Variants in FER1L5 observed in about 807,000 individuals in gnomAD.
FER1L5 encodes fer-1-like protein 5.
A neutral mutation model predicts 279.9 loss-of-function variants in FER1L5; 187 were observed. The ratio of observed to expected loss-of-function variants is 0.67; its 90% CI spans 0.59 to 0.75. The LOEUF is 0.75. FER1L5 is among the 30% of genes least tolerant of loss of function. The probability of loss-of-function intolerance (pLI) is 0.00; values close to 1 mark genes in which losing one functional copy is unlikely to be tolerated. For missense variants in FER1L5, 2,091 were observed against 2,594.4 expected, an observed-to-expected ratio of 0.81 and a Z score of 4.21; for synonymous variants, 921 against 989.7, an observed-to-expected ratio of 0.93 and a Z score of 1.30.
At chr2:96,669,920 C>T (rs1240365278) in intron 17 of FER1L5, among the ~76,000 whole-genome samples, 199 bp from the exon 18 acceptor site, 3 of 152,086 alleles carry the variant, frequency 2.0e-5, no homozygotes, top group African/African-American at 4.8e-5. Flanking sequence ...GGCAGGATCC[C>T]AGGGTGCAGA....
chr2:96,651,759 G>A (rs2075390925), intron 6 of FER1L5, 133 bp from the exon 7 acceptor site: 7 of 1,286,178 alleles, frequency 5.4e-6, no homozygotes, highest in South Asian at 2.9e-5. Flanking sequence ...CTCCCACCTC[G>A]GCCTCCCAAA....
In FER1L5 at chr2:96,699,085, T is replaced by G; in HGVS notation, c.4559T>G (p.Leu1520Arg). 1 of 1,612,254 alleles carries G rather than the reference T, an allele frequency of 6.2e-7. No homozygotes were observed. The change falls in exon 42 of 53, where the codon CTT (leucine) becomes CGT (arginine). Residue 1520 changes from leucine (L) to arginine (R), a missense_variant. Leu to Arg is a moderately radical substitution (Grantham distance 102, BLOSUM62 -2). Coordinates refer to ENST00000624922, the MANE Select transcript of FER1L5 (RefSeq NM_001293083.2). ...ATCCTGAAACTGGGCAAGACAGAGC[T>G]TGGCAACCGGGACATGTACCAGCCC... ...YVILKLGKTE[L>R]GNRDMYQPNT...
chr2:96,702,706 C>T lies in FER1L5; in HGVS notation c.5362C>T (p.Leu1788=). The T allele has an allele frequency of 6.2e-7, 1 of 1,613,170 alleles. No individual in the cohort carries two copies. The highest frequency in any genetic ancestry group is 1.1e-5 in the South Asian group (1 of 90,880). The stretch of plus-strand genomic sequence containing the variant: ...GCGGTTCATCTTTACCATGGACTAC[C>T]TGGCGGCGGAGCGCACGTGTGTCCA... ...NWRFIFTMDY[L]AAERTCVQSQ... Residue 1788 remains leucine (L), a synonymous_variant, in exon 48 of 53, where the codon CTG becomes TTG. Coordinates refer to ENST00000624922, the MANE Select transcript of FER1L5 (RefSeq NM_001293083.2). The surrounding 1 kb of genome is among the most constrained non-coding windows in gnomAD (Gnocchi z 4.0).
intron 9 of FER1L5, among the ~76,000 whole-genome samples, chr2:96,659,380 T>TCTTTCTTTCTTTCTTTCTTTCTTTCTTTC (rs2075797462): frequency 1.8e-4 from 2 of 11,048 alleles, no homozygotes; most frequent in Non-Finnish European, 2.8e-4. Flanking sequence ...TTTCTTTCTT[T>TCTTTCTTTCTTTCTTTCTTTCTTTCTTTC]CTTTCTTTCT....
At chr2:96,668,177 G>T (rs180917380) in intron 14 of FER1L5, among the ~76,000 whole-genome samples, 3 of 152,062 alleles carry the variant, frequency 2.0e-5, no homozygotes, top group Non-Finnish European at 4.4e-5. Context: ...AATACAAAAC[G>T]ATCATGTGAC....
chr2:96,646,297 C>T (rs1000311469), intron 1 of FER1L5, 104 bp from the exon 2 acceptor site: 15 of 1,281,238 alleles, frequency 1.2e-5, no homozygotes, highest in African/African-American at 4.4e-5. Context: ...CATGCCCGGC[C>T]GACTTGAAGT....
chr2:96,659,305 C>CCTTCCTTCCTTA (rs2075744283), intron 9 of FER1L5, among the ~76,000 whole-genome samples: 1 of 39,652 alleles, frequency 2.5e-5, no homozygotes, highest in African/African-American at 8.1e-5. Flanking sequence ...TTCCTTCCTT[C>CCTTCCTTCCTTA]CTTCCTTCCT....
At chr2:96,664,076 G>T (rs2076045158) in intron 14 of FER1L5, among the ~76,000 whole-genome samples, 1 of 151,352 alleles carries the variant, frequency 6.6e-6, no homozygotes, top group South Asian at 2.1e-4. Flanking sequence ...CCAAGCCACT[G>T]CACTCCAGCC....
chr2:96,669,484 C>T (rs1346433948), intron 17 of FER1L5, among the ~76,000 whole-genome samples: 4 of 152,106 alleles, frequency 2.6e-5, no homozygotes, highest in Admixed American at 2.6e-4. Context: ...GCCAGAAACC[C>T]GACTCGAACA....
At chr2:96,651,291 CTTTCTTTCTTCT>C (rs1215266769) in intron 6 of FER1L5, among the ~76,000 whole-genome samples, 1 of 135,378 alleles carries the variant, frequency 7.4e-6, no homozygotes, top group Non-Finnish European at 1.6e-5. Flanking sequence ...TTCTTTCTTT[CTTTCTTTCTTCT>C]TTCCTTCCTT....
chr2:96,698,632 C>T lies in FER1L5; in HGVS notation c.4357-39C>T. 2.0e-6 allele frequency: 3 copies of T among 1,533,124 alleles called. No individual in the cohort carries two copies. The highest frequency in any genetic ancestry group is 8.9e-7 in the Non-Finnish European group (1 of 1,127,898). 95.0% of individuals were successfully genotyped at this position (1,533,124 alleles called of 1,614,324 possible). Reference sequence around the variant, plus strand: ...CAGAGGGCTTTACAGAGCTGGCCAGCACTGCCAGGCTGGGCCCCCAACACC... The same window carrying T: ...CAGAGGGCTTTACAGAGCTGGCCAGTACTGCCAGGCTGGGCCCCCAACACC... On this transcript the variant is annotated intron_variant, in intron 40 of 52. Coordinates refer to ENST00000624922, the MANE Select transcript of FER1L5 (RefSeq NM_001293083.2). The surrounding 1 kb of genome is among the most constrained non-coding windows in gnomAD (Gnocchi z 5.5).
At chr2:96,659,361 C>CCTTTCTTTCTTTCTTTCTTTCTTT (rs2075783001) in intron 9 of FER1L5, among the ~76,000 whole-genome samples, 1 of 66,676 alleles carries the variant, frequency 1.5e-5, no homozygotes, top group Non-Finnish European at 2.9e-5. Flanking sequence ...TTCCTTCCTT[C>CCTTTCTTTCTTTCTTTCTTTCTTT]CTTCTTTCTT....
At chr2:96,697,243 C>T (rs980449632) in intron 37 of FER1L5, among the ~76,000 whole-genome samples, 3 of 152,190 alleles carry the variant, frequency 2.0e-5, no homozygotes, top group Non-Finnish European at 4.4e-5. Context: ...CTTAGTAGGT[C>T]AGGGTGGGGC....
chr2:96,643,899 C>T (rs1187891285), intron 1 of FER1L5, among the ~76,000 whole-genome samples: 4 of 151,608 alleles, frequency 2.6e-5, no homozygotes, highest in South Asian at 2.1e-4. Flanking sequence ...GGGCGGGGCA[C>T]GGTGGCTCAC....
chr2:96,679,802 T>C (rs1183782316), intron 19 of FER1L5, among the ~76,000 whole-genome samples: 1 of 152,208 alleles, frequency 6.6e-6, no homozygotes, highest in South Asian at 2.1e-4. Context: ...CCATTTCATT[T>C]CGGTTACTTT....
chr2:96,687,339 G>A (rs867165602), intron 23 of FER1L5, among the ~76,000 whole-genome samples: 4 of 152,192 alleles, frequency 2.6e-5, no homozygotes, highest in East Asian at 1.9e-4. Context: ...AGAGTCCTTC[G>A]CATCCCGCAA....
In FER1L5 at chr2:96,691,671, G is replaced by C; in HGVS notation, c.3075+59G>C. On this transcript the variant is annotated intron_variant, in intron 29 of 52. Coordinates refer to ENST00000624922, the MANE Select transcript of FER1L5 (RefSeq NM_001293083.2). The surrounding 1 kb of genome is among the most constrained non-coding windows in gnomAD (Gnocchi z 6.0). ...TAACCCCACCTCCCAGAGAAGCCAGGGCCTGGCCTGGCTGGGGCGCTGACT... is the reference window on the plus strand; with the variant it reads ...TAACCCCACCTCCCAGAGAAGCCAGCGCCTGGCCTGGCTGGGGCGCTGACT... 1.3e-6 allele frequency: 2 copies of C among 1,520,724 alleles called. No homozygotes were observed. Among genetic ancestry groups the C allele is most frequent in the Non-Finnish European group, 1.8e-6 (2 of 1,131,172 alleles). The allele number at this position is 1,520,724 out of a possible 1,614,324, so 94.2% of individuals were successfully genotyped here.
chr2:96,690,508 C>T lies in FER1L5; in HGVS notation c.2662C>T (p.Arg888Trp), dbSNP rs1251119530. The T allele has an allele frequency of 1.2e-5, 18 of 1,551,432 alleles. No individual in the cohort carries two copies. Among genetic ancestry groups the T allele is most frequent in the Middle Eastern group, 1.7e-4 (1 of 5,998 alleles). ...GCAGAATGGACAGCCCATGGAGGCC[C>T]GGGAGAACGTGAAGTGCCCCCAAGG... is the stretch of plus-strand genomic sequence containing the variant. Reference protein sequence around the residue: ...TDVNGQPMEARENVKCPQGWH... With the variant: ...TDVNGQPMEAWENVKCPQGWH... The change falls in exon 27 of 53, where the codon CGG becomes TGG. Residue 888 changes from arginine (R) to tryptophan (W), a missense_variant. Physicochemically the swap from Arg to Trp is moderately radical, Grantham distance 101. Transcript: ENST00000624922.
At chr2:96,692,203 C>T in intron 31 of FER1L5, 22 bp downstream of exon 31, 1 of 1,551,132 alleles carries the variant, frequency 6.4e-7, no homozygotes, top group South Asian at 1.2e-5. Flanking sequence ...GCAGCCTTGT[C>T]CCCAGCTGAG....
Sources: gnomAD v4.1 joint callset for allele counts (sites outside exome capture counted in the v4.1 genomes callset) on GRCh38, gnomAD v4.1.1 for gene constraint, Gnocchi (gnomAD v3.1) non-coding constraint, MANE v1.5 for transcripts, NCBI Gene and HGNC (gene_info 2026-07-23, HGNC 2026-07-21) for gene names.